The following ANKS1B variants were observed in gnomAD, a reference collection of about 807,000 sequenced individuals.
ANKS1B encodes the protein ankyrin repeat and sterile alpha motif domain containing 1B.
ANKS1B carries 36 observed loss-of-function variants against 148.3 expected under a neutral mutation model. That is an observed-to-expected ratio of 0.24 (90% CI 0.19 to 0.32). The LOEUF is 0.32. Among genes scored for constraint, ANKS1B ranks in the 10% least tolerant of loss-of-function variants. ANKS1B has a pLI of 1.00. For synonymous variants in ANKS1B, 542 were observed against 560.8 expected (o/e 0.97, Z 0.47); for missense variants, 1,157 against 1,542.6 (o/e 0.75, Z 4.19).
intron 9 of ANKS1B, among the ~76,000 whole-genome samples, chr12:99,538,863 C>T (rs756233096): frequency 1.3e-5 from 2 of 152,126 alleles, no homozygotes; most frequent in Non-Finnish European, 2.9e-5. Context: ...CAATGTGCTA[C>T]TAGCTATGGG....
chr12:99,152,409 C>G (rs1047355394), intron 15 of ANKS1B, among the ~76,000 whole-genome samples: 3 of 152,110 alleles, frequency 2.0e-5, no homozygotes, highest in African/African-American at 7.2e-5. Flanking sequence ...TTGAATTAAA[C>G]AAGTAAAGAA....
chr12:98,797,382 T>C (rs1418980576), intron 22 of ANKS1B, among the ~76,000 whole-genome samples: 1 of 152,206 alleles, frequency 6.6e-6, no homozygotes, highest in Non-Finnish European at 1.5e-5. Context: ...ATTCAACCTC[T>C]GTAAGCCTCC....
At chr12:99,165,618 G>C (rs572349255) in intron 14 of ANKS1B, among the ~76,000 whole-genome samples, 1 of 151,836 alleles carries the variant, frequency 6.6e-6, no homozygotes, top group Non-Finnish European at 1.5e-5. Context: ...TGAAGTAATT[G>C]TATTTGCAGT....
intron 17 of ANKS1B, among the ~76,000 whole-genome samples, chr12:98,938,414 G>T (rs1218586317): frequency 6.6e-6 from 1 of 152,164 alleles, no homozygotes; most frequent in Non-Finnish European, 1.5e-5. Flanking sequence ...TCTGCTCATA[G>T]GGGTTTTGAT....
intron 1 of ANKS1B, among the ~76,000 whole-genome samples, chr12:99,947,191 G>C (rs1008722401): frequency 6.7e-5 from 10 of 150,118 alleles, no homozygotes; most frequent in African/African-American, 2.5e-4. Flanking sequence ...TCTGATACTG[G>C]TCAGCAAGGT....
At chr12:98,889,419 C>T (rs1271212397) in intron 17 of ANKS1B, among the ~76,000 whole-genome samples, 1 of 151,850 alleles carries the variant, frequency 6.6e-6, no homozygotes. Context: ...ACTATCTCGG[C>T]TCACTGCAAC....
intron 14 of ANKS1B, among the ~76,000 whole-genome samples, chr12:99,185,353 T>C (rs897942153): frequency 1.3e-5 from 2 of 152,238 alleles, no homozygotes; most frequent in African/African-American, 4.8e-5. Flanking sequence ...TCAGAGGTGA[T>C]AATCTCTGGA....
intron 16 of ANKS1B, among the ~76,000 whole-genome samples, chr12:99,083,271 A>C (rs2050465294): frequency 6.6e-6 from 1 of 152,182 alleles, no homozygotes. Context: ...ATAGGAGGAT[A>C]GGAGAGTACA....
intron 9 of ANKS1B, among the ~76,000 whole-genome samples, chr12:99,524,864 TC>T (rs1295295477): frequency 2.0e-5 from 3 of 152,072 alleles, no homozygotes; most frequent in Admixed American, 6.6e-5. Flanking sequence ...TCCCACAGGA[TC>T]CCTCCCACAG....
intron 12 of ANKS1B, among the ~76,000 whole-genome samples, chr12:99,257,068 C>A (rs934208094): frequency 6.6e-6 from 1 of 152,062 alleles, no homozygotes; most frequent in Admixed American, 6.6e-5. Context: ...CACTGTGAAA[C>A]CCGGTCTCTA....
intron 9 of ANKS1B, among the ~76,000 whole-genome samples, chr12:99,571,769 C>A (rs2097458413): frequency 6.6e-6 from 1 of 151,992 alleles, no homozygotes; most frequent in South Asian, 2.1e-4. Context: ...AGGTACTTTT[C>A]ATATAAATAA....
intron 1 of ANKS1B, among the ~76,000 whole-genome samples, chr12:99,983,283 T>C (rs1189719167): frequency 2.6e-5 from 4 of 152,326 alleles, no homozygotes; most frequent in South Asian, 2.1e-4. Flanking sequence ...CAACTTTTAA[T>C]AGTTTCTCAA....
intron 16 of ANKS1B, among the ~76,000 whole-genome samples, chr12:99,065,625 T>C (rs1376053978): frequency 1.5e-5 from 2 of 129,650 alleles, no homozygotes; most frequent in Admixed American, 1.8e-4. Flanking sequence ...CATCCATCCA[T>C]CCATCCATCC....
intron 17 of ANKS1B, among the ~76,000 whole-genome samples, chr12:99,041,723 A>G (rs904670778): frequency 1.3e-5 from 2 of 152,188 alleles, no homozygotes; most frequent in African/African-American, 4.8e-5. Context: ...TTTGTGGGCC[A>G]GGCACATTGA....
chr12:99,882,115 C>T (rs965744949), intron 1 of ANKS1B, among the ~76,000 whole-genome samples: 4 of 152,060 alleles, frequency 2.6e-5, no homozygotes, highest in Non-Finnish European at 5.9e-5. Flanking sequence ...CTGAAAAATG[C>T]AATAGCAAAA....
At chr12:99,398,715 C>T (rs1201541151) in intron 12 of ANKS1B, among the ~76,000 whole-genome samples, 4 of 152,126 alleles carry the variant, frequency 2.6e-5, no homozygotes, top group African/African-American at 4.8e-5. Flanking sequence ...CAACCTGCTG[C>T]AACTCTGAGA....
chr12:99,976,169 G>C (rs1307043671), intron 1 of ANKS1B, among the ~76,000 whole-genome samples: 1 of 152,108 alleles, frequency 6.6e-6, no homozygotes, highest in African/African-American at 2.4e-5. Flanking sequence ...ACATAAATAA[G>C]GGAACGAAAG....
At chr12:99,493,739 G>C (rs1030376116) in intron 10 of ANKS1B, among the ~76,000 whole-genome samples, 2 of 152,144 alleles carry the variant, frequency 1.3e-5, no homozygotes, top group African/African-American at 4.8e-5. Flanking sequence ...AAAGATGTGG[G>C]AGTTTAGTTC....
intron 8 of ANKS1B, among the ~76,000 whole-genome samples, chr12:99,727,280 C>G (rs761250541): frequency 6.6e-6 from 1 of 152,096 alleles, no homozygotes; most frequent in Non-Finnish European, 1.5e-5. Context: ...TGATAAGCAA[C>G]TTTGGCAAAG....
Sources: allele counts gnomAD v4.1 joint callset (sites outside exome capture counted in the v4.1 genomes callset), GRCh38; gene constraint gnomAD v4.1.1; transcripts MANE v1.5; gene names NCBI Gene and HGNC (gene_info 2026-07-23, HGNC 2026-07-21).